NCK1: variants seen among roughly 807,000 people sequenced by gnomAD.
The protein encoded by NCK1 is SH2/SH3 adapter protein NCK1.
Under a neutral mutation model 36.6 loss-of-function variants are expected in NCK1, and 19 were observed. That is an observed-to-expected ratio of 0.52 (90% CI 0.36 to 0.76). The LOEUF (loss-of-function observed/expected upper bound fraction) is 0.76, where lower values mean the gene tolerates loss of function less well. Among genes scored for constraint, NCK1 ranks in the 30% least tolerant of loss-of-function variants. The pLI is 0.00. For missense variants in NCK1, 358 were observed against 445.6 expected, an observed-to-expected ratio of 0.80 and a Z score of 1.77; for synonymous variants, 165 against 156.0, an observed-to-expected ratio of 1.06 and a Z score of -0.43.
In NCK1 at chr3:136,864,761, CT is replaced by C. The variant is rs747974189; in HGVS notation, c.-19+2426del. On this transcript the variant is annotated intron_variant, in intron 1 of 3. Coordinates refer to ENST00000481752, the MANE Select transcript of NCK1 (RefSeq NM_001291999.2). ...TCATGGTTCTGGGTTTTTTTCTTTT[CT>C]TTTTTTTTTTTTTTTTTGAGACAGA... 6.4e-3 allele frequency among the ~76,000 whole-genome samples: 695 copies of C among 108,470 alleles called. 3 individuals carry two copies. The highest frequency in any genetic ancestry group is 0.016 in the African/African-American group (467 of 29,420). 71.2% of individuals were successfully genotyped at this position (108,470 alleles called of 152,430 possible).
At chr3:136,917,695 C>A (rs772320995) in intron 1 of NCK1, among the ~76,000 whole-genome samples, 1 of 152,218 alleles carries the variant, frequency 6.6e-6, no homozygotes, top group East Asian at 1.9e-4. Context: ...TCAGTTCTCT[C>A]TCCTTAGGTA....
At chr3:136,864,157 TC>T (rs1938341237) in intron 1 of NCK1, among the ~76,000 whole-genome samples, 1 of 151,942 alleles carries the variant, frequency 6.6e-6, no homozygotes, top group Non-Finnish European at 1.5e-5. Context: ...TGTCCAGGTT[TC>T]TGCAGTGCTT....
chr3:136,897,376 G>A (rs987848111), intron 1 of NCK1, among the ~76,000 whole-genome samples: 1 of 152,158 alleles, frequency 6.6e-6, no homozygotes, highest in Non-Finnish European at 1.5e-5. Context: ...ACAGACATGA[G>A]CTACCACACC....
intron 2 of NCK1, among the ~76,000 whole-genome samples, chr3:136,942,237 G>C (rs545567927): frequency 6.6e-6 from 1 of 152,304 alleles, no homozygotes; most frequent in South Asian, 2.1e-4. Context: ...TTGAAGGACA[G>C]TTTTGCTAAA....
chr3:136,885,037 G>C (rs1939041836), intron 1 of NCK1, among the ~76,000 whole-genome samples: 1 of 152,086 alleles, frequency 6.6e-6, no homozygotes, highest in Admixed American at 6.6e-5. Context: ...TTATGTTTTA[G>C]AGATATTTAC....
intron 3 of NCK1, chr3:136,946,844 ATAAAT>A (rs1940841819): frequency 6.6e-6 from 1 of 152,494 alleles, no homozygotes; most frequent in Admixed American, 6.5e-5. Context: ...GCAATAAAAG[ATAAAT>A]TATATTGCAA....
At chr3:136,915,167 C>T (rs192557046) in intron 1 of NCK1, among the ~76,000 whole-genome samples, 52 of 152,210 alleles carry the variant, frequency 3.4e-4, no homozygotes, top group African/African-American at 1.1e-3. Context: ...CAGACTAATA[C>T]GTACCTTAAG....
At chr3:136,903,636 C>T (rs746239594) in intron 1 of NCK1, among the ~76,000 whole-genome samples, 7 of 152,008 alleles carry the variant, frequency 4.6e-5, no homozygotes, top group Non-Finnish European at 8.8e-5. Context: ...TGTAGGCCAG[C>T]CTGGTCTTGA....
At chr3:136,938,245 A>T (rs1251696594) in intron 2 of NCK1, among the ~76,000 whole-genome samples, 1 of 152,130 alleles carries the variant, frequency 6.6e-6, no homozygotes, top group African/African-American at 2.4e-5. Flanking sequence ...CATAAATCCC[A>T]CTTACTCATA....
intron 1 of NCK1, among the ~76,000 whole-genome samples, chr3:136,905,327 G>C (rs1157886499): frequency 1.3e-5 from 2 of 151,850 alleles, no homozygotes; most frequent in Non-Finnish European, 2.9e-5. Flanking sequence ...TGCCCAACCT[G>C]GTTTTCCTTT....
At chr3:136,940,310 C>T (rs987506637) in intron 2 of NCK1, among the ~76,000 whole-genome samples, 7 of 152,192 alleles carry the variant, frequency 4.6e-5, no homozygotes, top group Non-Finnish European at 1.0e-4. Context: ...TAGTACTGCT[C>T]AAGGCCTCTA....
At chr3:136,888,731 G>A (rs569948456) in intron 1 of NCK1, among the ~76,000 whole-genome samples, 13 of 151,904 alleles carry the variant, frequency 8.6e-5, no homozygotes, top group Admixed American at 3.9e-4. Context: ...TCCCCTCTCC[G>A]TGTCCTAGGA....
chr3:136,887,546 G>T (rs1453101730), intron 1 of NCK1, among the ~76,000 whole-genome samples: 2 of 152,182 alleles, frequency 1.3e-5, no homozygotes, highest in Non-Finnish European at 2.9e-5. Flanking sequence ...GACTTGCAGT[G>T]AATTAGTTGA....
At chr3:136,899,967 C>A (rs1939497456) in intron 1 of NCK1, 3 of 733,234 alleles carry the variant, frequency 4.1e-6, no homozygotes, top group Non-Finnish European at 5.0e-6. Flanking sequence ...CTTTGATGTT[C>A]TGGATTGCTT....
intron 1 of NCK1, among the ~76,000 whole-genome samples, chr3:136,912,162 CTTTTTTTTTT>C (rs57596314): frequency 1.0e-4 from 13 of 128,162 alleles, no homozygotes; most frequent in African/African-American, 3.2e-4. Flanking sequence ...ATTATTTTTT[CTTTTTTTTTT>C]TTTTTTTTGA....
At chr3:136,904,880 C>G (rs1033545426) in intron 1 of NCK1, among the ~76,000 whole-genome samples, 2 of 150,706 alleles carry the variant, frequency 1.3e-5, no homozygotes, top group Non-Finnish European at 3.0e-5. Flanking sequence ...GGCTCATTTC[C>G]AAGGGCCTTT....
At position 136,948,602 on chromosome 3, in the gene NCK1, G is replaced by A. The variant is rs1474480655; in HGVS notation, c.*149G>A. On this transcript the variant is annotated 3_prime_UTR_variant, in exon 4 of 4. Coordinates refer to ENST00000481752, the MANE Select transcript of NCK1 (RefSeq NM_001291999.2). Reference sequence around the variant, plus strand: ...CAATAAGTATTTTTATTATAACTCAGCCCATACATATATACTATGTATGCA... The same window carrying A: ...CAATAAGTATTTTTATTATAACTCAACCCATACATATATACTATGTATGCA... 4 of 661,368 alleles carry A rather than the reference G, an allele frequency of 6.0e-6. No individual in the cohort carries two copies. The highest frequency in any genetic ancestry group is 3.0e-5 in the Admixed American group (1 of 33,580). 41.0% of individuals were successfully genotyped at this position (661,368 alleles called of 1,614,324 possible).
chr3:136,870,707 A>T (rs11715604), intron 1 of NCK1, among the ~76,000 whole-genome samples: 17,857 of 130,208 alleles, frequency 0.14, 1,360 homozygotes, highest in Middle Eastern at 0.23. Context: ...AAAAAAAAAA[A>T]GGCCTGTGAG....
chr3:136,920,654 A>G (rs947794049), intron 1 of NCK1, among the ~76,000 whole-genome samples: 8 of 152,184 alleles, frequency 5.3e-5, no homozygotes, highest in African/African-American at 1.9e-4. Context: ...TCATCATCCT[A>G]TAATCTGAAG....
Sources: allele counts gnomAD v4.1 joint callset (sites outside exome capture counted in the v4.1 genomes callset), GRCh38; gene constraint gnomAD v4.1.1; transcripts MANE v1.5; gene names NCBI Gene and HGNC (gene_info 2026-07-23, HGNC 2026-07-21).